The following USP40 variants were observed in gnomAD, a reference collection of about 807,000 sequenced individuals.
USP40 encodes the protein ubiquitin specific peptidase 40, also known as ubiquitin carboxyl-terminal hydrolase 40.
Under a neutral mutation model 166.2 loss-of-function variants are expected in USP40, and 143 were observed. The ratio of observed to expected loss-of-function variants is 0.86; its 90% CI spans 0.75 to 0.99. USP40 has a LOEUF of 0.99. USP40 is among the 50% of genes least tolerant of loss of function. USP40 has a pLI of 0.00. For synonymous variants in USP40, 498 were observed against 524.0 expected, an observed-to-expected ratio of 0.95 and a Z score of 0.68; for missense variants, 1,444 against 1,479.7, an observed-to-expected ratio of 0.98 and a Z score of 0.40.
In USP40 at chr2:233,506,206, C is replaced by T. The variant is rs889491721; in HGVS notation, c.2613+3843G>A. On this transcript the variant is annotated intron_variant, in intron 21 of 31. Transcript: ENST00000678225. The stretch of plus-strand genomic sequence containing the variant: ...AGAAATAAATTCACAAACTTAACAG[C>T]CAACTAATTTTTGATAGATGTGCCA... 6.6e-5 allele frequency among the ~76,000 whole-genome samples: 10 copies of T among 152,086 alleles called. 1 individual carries two copies. Among genetic ancestry groups the T allele is most frequent in the Non-Finnish European group, 1.3e-4 (9 of 68,004 alleles).
At chr2:233,502,649 C>G (rs1159838816) in intron 21 of USP40, among the ~76,000 whole-genome samples, 1 of 152,114 alleles carries the variant, frequency 6.6e-6, no homozygotes, top group African/African-American at 2.4e-5. Flanking sequence ...CACAGCTATG[C>G]TCAGGTTGTG....
At position 233,485,993 on chromosome 2, in the gene USP40, G is replaced by A. The variant is rs537369705; in HGVS notation, c.3198-16C>T. 1.2e-5 allele frequency: 19 copies of A among 1,554,540 alleles called. No homozygotes were observed. Among genetic ancestry groups the A allele is most frequent in the East Asian group, 4.7e-5 (2 of 42,272 alleles). ...GTCCTGGGGGCTGTACCAGAAAACC[G>A]TCAAGCGCCAGATCCAAACAAACAA... On this transcript the variant is annotated splice_polypyrimidine_tract_variant and intron_variant, in intron 28 of 31. Coordinates refer to ENST00000678225, the MANE Select transcript of USP40 (RefSeq NM_001365479.2).
chr2:233,566,086 C>T (rs1450099236), intron 1 of USP40, among the ~76,000 whole-genome samples: 2 of 146,294 alleles, frequency 1.4e-5, no homozygotes, highest in South Asian at 2.2e-4. Context: ...TTAAACAGAT[C>T]AAGTTAACTT....
Position 233,485,808 on chromosome 2 carries a change from A to G in USP40, c.3367T>C (p.Tyr1123His), listed in dbSNP as rs774225087. The change falls in exon 29 of 32, where the codon TAC (tyrosine) becomes CAC (histidine). Residue 1123 changes from tyrosine (Y) to histidine (H), a missense_variant. Coordinates refer to ENST00000678225, the MANE Select transcript of USP40 (RefSeq NM_001365479.2). ...LPVEKIEIAK[Y>H]FPEKFEWLPI... is the part of the protein sequence containing the mutation. ...AGCCACTCGAACTTTTCGGGAAAGT[A>G]TTTGGCAATTTCAATCTTCTCCACG... The G allele has an allele frequency of 1.2e-6, 2 of 1,612,170 alleles. No individual in the cohort carries two copies. Among genetic ancestry groups the G allele is most frequent in the East Asian group, 4.5e-5 (2 of 44,880 alleles).
intron 27 of USP40, among the ~76,000 whole-genome samples, chr2:233,488,591 G>A (rs2065103129): frequency 6.6e-6 from 1 of 152,226 alleles, no homozygotes; most frequent in Non-Finnish European, 1.5e-5. Flanking sequence ...TCTCATGCCA[G>A]TCACTTTGGG....
intron 16 of USP40, among the ~76,000 whole-genome samples, chr2:233,522,853 A>G (rs1442392922): frequency 1.3e-5 from 2 of 152,344 alleles, no homozygotes; most frequent in African/African-American, 4.8e-5. Flanking sequence ...CTTCGGTTTT[A>G]TAACTGGCAC....
chr2:233,485,335 T>C (rs1363140596), intron 30 of USP40, among the ~76,000 whole-genome samples, 196 bp downstream of exon 30: 2 of 152,222 alleles, frequency 1.3e-5, no homozygotes, highest in East Asian at 3.8e-4. Flanking sequence ...TTTAGTGTCC[T>C]TGGCAGTTTG....
chr2:233,539,821 A>G (rs2069234089), intron 10 of USP40, among the ~76,000 whole-genome samples: 1 of 152,190 alleles, frequency 6.6e-6, no homozygotes, highest in Admixed American at 6.5e-5. Context: ...TAGAAAAGCA[A>G]TAGAGAAAAT....
chr2:233,534,229 T>C (rs2068772692), intron 10 of USP40, among the ~76,000 whole-genome samples: 1 of 152,182 alleles, frequency 6.6e-6, no homozygotes, highest in Non-Finnish European at 1.5e-5. Flanking sequence ...AAATTATCTT[T>C]TAACCTGGAC....
chr2:233,477,517 G>C lies in USP40; in HGVS notation c.3600-14C>G, dbSNP rs2064245132. 1.9e-6 allele frequency: 3 copies of C among 1,608,684 alleles called. No homozygotes were observed. In the African/African-American group the frequency reaches 4.0e-5, roughly 21 times the overall value. ...AGGGCTTCTTGGCTGCAGAGACACA[G>C]ACACTGTCATTGACTCATGGATGCA... is the stretch of plus-strand genomic sequence containing the variant. On this transcript the variant is annotated splice_polypyrimidine_tract_variant and intron_variant, in intron 31 of 31. Transcript: ENST00000678225.
At position 233,480,087 on chromosome 2, in the gene USP40, C is replaced by T. The variant is rs2064470487; in HGVS notation, c.3599+1116G>A. ...CCAGCAGCCTCTAACCACGCTCGAACCCCCACTTCTGCCATGGTCACGAGG... is the reference window on the plus strand; with the variant it reads ...CCAGCAGCCTCTAACCACGCTCGAATCCCCACTTCTGCCATGGTCACGAGG... On this transcript the variant is annotated intron_variant, in intron 31 of 31. Transcript: ENST00000678225. The surrounding 1 kb of genome is among the most constrained non-coding windows in gnomAD (Gnocchi z 4.5). 6.6e-6 allele frequency among the ~76,000 whole-genome samples: 1 copy of T among 152,214 alleles called. No individual in the cohort carries two copies. Among genetic ancestry groups the T allele is most frequent in the African/African-American group, 2.4e-5 (1 of 41,458 alleles).
chr2:233,540,685 T>G lies in USP40; in HGVS notation c.1147A>C (p.Lys383Gln). The change falls in exon 10 of 32, where the codon AAA becomes CAA. Residue 383 changes from lysine (K) to glutamine (Q), a missense_variant. Transcript: ENST00000678225. ...ACCTTCCGCAGTGGTCCATGCTGTT[T>G]TCTGTACTTCTTGTTCCAAGATATT... is the stretch of plus-strand genomic sequence containing the variant. ...IGISWNKKYR[K>Q]QHGPLRKFLQ... 1 of 1,612,726 alleles carries G rather than the reference T, an allele frequency of 6.2e-7. No individual in the cohort carries two copies. Among genetic ancestry groups the G allele is most frequent in the Non-Finnish European group, 8.5e-7 (1 of 1,179,102 alleles).
Position 233,542,259 on chromosome 2 carries a change from A to G in USP40, c.1062+9T>C. 5 of 1,473,228 alleles carry G rather than the reference A, an allele frequency of 3.4e-6. No homozygotes were observed. The highest frequency in any genetic ancestry group is 4.6e-6 in the Non-Finnish European group (5 of 1,085,736). The allele number at this position is 1,473,228 out of a possible 1,614,324, so 91.3% of individuals were successfully genotyped here. A position where few individuals can be genotyped will look rare whatever the true frequency, so the allele number is the denominator to read the frequency against. ...CATACATACAAATACATACACACAC[A>G]TACTATACCTCTAATAAGATTGCTT... On this transcript the variant is annotated intron_variant, in intron 9 of 31. Transcript: ENST00000678225.
intron 24 of USP40, among the ~76,000 whole-genome samples, chr2:233,496,430 C>T (rs576397400): frequency 1.2e-4 from 18 of 152,208 alleles, no homozygotes; most frequent in South Asian, 2.1e-4. Flanking sequence ...GTTAAAAACA[C>T]GGTAAGTTTC....
intron 20 of USP40, 149 bp from the exon 21 acceptor site, chr2:233,510,284 G>T: frequency 5.2e-6 from 3 of 575,178 alleles, no homozygotes; most frequent in African/African-American, 1.9e-5. Context: ...TATGATTAAT[G>T]TTACAATTTA....
chr2:233,501,118 C>A (rs2066050310), intron 21 of USP40, among the ~76,000 whole-genome samples: 1 of 152,126 alleles, frequency 6.6e-6, no homozygotes, highest in South Asian at 2.1e-4. Context: ...TGAATGAAAG[C>A]AAGCTTATAT....
At chr2:233,548,618 A>AAAACT (rs2070226441) in intron 8 of USP40, among the ~76,000 whole-genome samples, 1 of 152,156 alleles carries the variant, frequency 6.6e-6, no homozygotes, top group South Asian at 2.1e-4. Flanking sequence ...TGTGAACTGG[A>AAAACT]AAACTGGTGG....
rs371377702 is a variant in USP40 at position 233,519,427 on chromosome 2, G to A, written c.2383+187C>T. 286 of 500,466 alleles carry A rather than the reference G, an allele frequency of 5.7e-4. 1 individual carries two copies. Among genetic ancestry groups the A allele is most frequent in the African/African-American group, 4.9e-3 (252 of 51,018 alleles). 31.0% of individuals were successfully genotyped at this position (500,466 alleles called of 1,614,324 possible). ...TAGGTCTGAGGAGGAGAACACAGGG[G>A]ACTTTAACTTCATTTATAATGTTTC... is the stretch of plus-strand genomic sequence containing the variant. On this transcript the variant is annotated intron_variant, in intron 18 of 31. Transcript: ENST00000678225.
chr2:233,503,059 G>A (rs73997639), intron 21 of USP40, among the ~76,000 whole-genome samples: 2,763 of 152,206 alleles, frequency 0.018, 80 homozygotes, highest in African/African-American at 0.063. Flanking sequence ...AATGCCTGAA[G>A]AGAAATTCAA....
Sources: gnomAD v4.1 joint callset for allele counts (sites outside exome capture counted in the v4.1 genomes callset) on GRCh38, gnomAD v4.1.1 for gene constraint, Gnocchi (gnomAD v3.1) non-coding constraint, MANE v1.5 for transcripts, NCBI Gene and HGNC (gene_info 2026-07-23, HGNC 2026-07-21) for gene names.